Variants in JPH2 observed in about 807,000 individuals in gnomAD.
JPH2 encodes the protein junctophilin-2.
JPH2 carries 38 observed loss-of-function variants against 55.9 expected under a neutral mutation model. The ratio of observed to expected loss-of-function variants is 0.68; its 90% CI spans 0.52 to 0.89. JPH2 has a LOEUF of 0.89. JPH2 is among the 40% of genes least tolerant of loss of function. JPH2 has a pLI of 0.00. For synonymous variants in JPH2, 480 were observed against 472.4 expected, an observed-to-expected ratio of 1.02 and a Z score of -0.21; for missense variants, 964 against 1,037.6, an observed-to-expected ratio of 0.93 and a Z score of 0.97.
chr20:44,115,996 A>G lies in JPH2; in HGVS notation c.1679T>C (p.Val560Ala). 1.3e-6 allele frequency: 2 copies of G among 1,578,354 alleles called. No homozygotes were observed. The highest frequency in any genetic ancestry group is 1.7e-6 in the Non-Finnish European group (2 of 1,170,496). Residue 560 changes from valine (V) to alanine (A), a missense_variant, in exon 4 of 6, where the codon GTG (valine) becomes GCG (alanine). Physicochemically the swap from Val to Ala is moderately conservative, Grantham distance 64 (BLOSUM62 0). Transcript: ENST00000372980. ...GCTGTGGTAGCCCTGGTAAAGCGCC[A>G]CCTCCGGCTCCCGCGACGGCGCAGG... ...APPAPSREPE[V>A]ALYQGYHSYA...
In JPH2 at chr20:44,154,308, T is replaced by TA. The variant is rs2072550706; in HGVS notation, c.1169+5309dup. ...TGTATTTTGTCAAAGCTGATGTATC[T>TA]AAAATGTAACCATTTCAATATGTAA... On this transcript the variant is annotated intron_variant, in intron 2 of 5. Coordinates refer to ENST00000372980, the MANE Select transcript of JPH2 (RefSeq NM_020433.5). Among the ~76,000 whole-genome samples, 10 of 152,398 alleles carry TA rather than the reference T, an allele frequency of 6.6e-5. No individual in the cohort carries two copies. In the South Asian group the frequency reaches 2.1e-3, roughly 32 times the overall value.
Position 44,144,030 on chromosome 20 carries a change from G to A in JPH2, c.1169+15588C>T, listed in dbSNP as rs147123068. Among the ~76,000 whole-genome samples, 241 of 152,308 alleles carry A rather than the reference G, an allele frequency of 1.6e-3. 1 individual carries two copies. Among genetic ancestry groups the A allele is most frequent in the African/African-American group, 5.2e-3 (218 of 41,572 alleles). ...CAAGGCTTGGGTCACGCCTGGCTTC[G>A]GGAACCAGCCTCGCCAAGTTCCATC... On this transcript the variant is annotated intron_variant, in intron 2 of 5. Coordinates refer to ENST00000372980, the MANE Select transcript of JPH2 (RefSeq NM_020433.5).
rs1439783795 is a variant in JPH2, at chr20:44,159,805, A to G, written c.982T>C (p.Cys328Arg). The G allele has an allele frequency of 6.2e-7, 1 of 1,613,126 alleles. No individual in the cohort carries two copies. Among genetic ancestry groups the G allele is most frequent in the East Asian group, 2.2e-5 (1 of 44,832 alleles). ...WLDNLRHGYG[C>R]TTLPDGHREE... The stretch of plus-strand genomic sequence containing the variant: ...CGGTGGCCGTCGGGCAGCGTGGTGC[A>G]GCCATAGCCGTGGCGCAGGTTGTCC... Residue 328 changes from cysteine to arginine, a missense_variant, in exon 2 of 6, where the codon TGC becomes CGC. By Grantham distance (180) the Cys-to-Arg change is radical. Transcript: ENST00000372980. The surrounding 1 kb of genome is among the most constrained non-coding windows in gnomAD (Gnocchi z 5.7).
At chr20:44,182,830 C>T (rs1449815973) in intron 1 of JPH2, among the ~76,000 whole-genome samples, 1 of 152,228 alleles carries the variant, frequency 6.6e-6, no homozygotes, top group African/African-American at 2.4e-5. Flanking sequence ...TCGCTGCCCC[C>T]ACCCTAAAAC....
intron 1 of JPH2, chr20:44,176,768 TG>T: frequency 1.4e-6 from 1 of 709,244 alleles, no homozygotes; most frequent in Non-Finnish European, 1.7e-6. Flanking sequence ...CACTCCAGCC[TG>T]GGTGACAGAG....
intron 2 of JPH2, among the ~76,000 whole-genome samples, chr20:44,154,585 G>A (rs536810194): frequency 2.6e-5 from 4 of 152,254 alleles, no homozygotes; most frequent in South Asian, 2.1e-4. Context: ...TGTCCTGATC[G>A]TAGCCTCCGG....
At position 44,112,380 on chromosome 20, in the gene JPH2, C is replaced by T. The variant is rs1204354022; in HGVS notation, c.*1138G>A. ...CCCAGAGACCTAGTGTGGTACAAAA[C>T]ATCTTTAAGTGAGGTACATCCAAGT... On this transcript the variant is annotated 3_prime_UTR_variant, in exon 6 of 6. Coordinates refer to ENST00000372980, the MANE Select transcript of JPH2 (RefSeq NM_020433.5). 1 of 152,288 alleles carries T rather than the reference C, an allele frequency of 6.6e-6. No individual in the cohort carries two copies. Among genetic ancestry groups the T allele is most frequent in the East Asian group, 1.9e-4 (1 of 5,198 alleles). The allele number at this position is 152,288 out of a possible 1,614,324, so 9.4% of individuals were successfully genotyped here. A position where few individuals can be genotyped will look rare whatever the true frequency, so the allele number is the denominator to read the frequency against.
At chr20:44,123,322 G>A (rs1484807629) in intron 2 of JPH2, among the ~76,000 whole-genome samples, 3 of 151,980 alleles carry the variant, frequency 2.0e-5, no homozygotes, top group Admixed American at 6.6e-5. Flanking sequence ...TGGTCTCTCC[G>A]GCTCCCTTTA....
At chr20:44,145,646 G>A (rs981022573) in intron 2 of JPH2, among the ~76,000 whole-genome samples, 1 of 151,614 alleles carries the variant, frequency 6.6e-6, no homozygotes, top group Non-Finnish European at 1.5e-5. Context: ...TCTGGAGCTA[G>A]GCCCTAAGCA....
At chr20:44,185,149 A>G (rs770691715) in intron 1 of JPH2, among the ~76,000 whole-genome samples, 1 of 152,040 alleles carries the variant, frequency 6.6e-6, no homozygotes, top group Non-Finnish European at 1.5e-5. Context: ...AAAAGAAAAA[A>G]CAATTAATTA....
At chr20:44,127,087 T>C (rs886144696) in intron 2 of JPH2, among the ~76,000 whole-genome samples, 2 of 152,254 alleles carry the variant, frequency 1.3e-5, no homozygotes, top group African/African-American at 2.4e-5. Flanking sequence ...TATGGATGTG[T>C]CATCTAAACA....
chr20:44,131,145 T>C (rs914336302), intron 2 of JPH2, among the ~76,000 whole-genome samples: 1 of 152,186 alleles, frequency 6.6e-6, no homozygotes, highest in African/African-American at 2.4e-5. Flanking sequence ...GAACAGAATA[T>C]GCAAAAGTCA....
At position 44,112,461 on chromosome 20, in the gene JPH2, C is replaced by T. The variant is rs149482563; in HGVS notation, c.*1057G>A. 6.6e-6 allele frequency: 1 copy of T among 152,476 alleles called. No individual in the cohort carries two copies. Among genetic ancestry groups the T allele is most frequent in the East Asian group, 1.9e-4 (1 of 5,188 alleles). The allele number at this position is 152,476 out of a possible 1,614,324, so 9.4% of individuals were successfully genotyped here. On this transcript the variant is annotated 3_prime_UTR_variant, in exon 6 of 6. Coordinates refer to ENST00000372980, the MANE Select transcript of JPH2 (RefSeq NM_020433.5). ...CTTATAACTGCACCCAGGCTGTACC[C>T]AGTTGGAGCCCCAGACTTGCCCCTC...
Position 44,134,186 on chromosome 20 carries a change from ATATT to A in JPH2, c.1170-15567_1170-15564del, listed in dbSNP as rs1372371298. Among the ~76,000 whole-genome samples the A allele has an allele frequency of 5.0e-3, 56 of 11,166 alleles. 4 individuals carry two copies. The highest frequency in any genetic ancestry group is 7.8e-3 in the African/African-American group (25 of 3,188). 7.3% of individuals were successfully genotyped at this position (11,166 alleles called of 152,430 possible). A position where few individuals can be genotyped will look rare whatever the true frequency, so the allele number is the denominator to read the frequency against. ...ATAAATATTTATTATAAATATATAAATATTTATTATAAATATATAAATATATATT... is the reference window on the plus strand; with the variant it reads ...ATAAATATTTATTATAAATATATAAATATTATAAATATATAAATATATATT... On this transcript the variant is annotated intron_variant, in intron 2 of 5. Coordinates refer to ENST00000372980, the MANE Select transcript of JPH2 (RefSeq NM_020433.5).
intron 2 of JPH2, among the ~76,000 whole-genome samples, chr20:44,145,131 T>C (rs2072484448): frequency 6.6e-6 from 1 of 152,096 alleles, no homozygotes; most frequent in African/African-American, 2.4e-5. Flanking sequence ...ATATCAACAC[T>C]CTTGGTCTGG....
At chr20:44,177,114 G>T in intron 1 of JPH2, 6 of 985,550 alleles carry the variant, frequency 6.1e-6, no homozygotes, top group Non-Finnish European at 6.0e-6. Context: ...CTTTAAGCAG[G>T]GAGTGAAAGT....
chr20:44,156,812 G>A (rs921970776), intron 2 of JPH2, among the ~76,000 whole-genome samples: 2 of 152,176 alleles, frequency 1.3e-5, no homozygotes, highest in Non-Finnish European at 2.9e-5. Flanking sequence ...GAGTTTTGGA[G>A]GGGATAAACA....
Position 44,118,583 on chromosome 20 carries a change from C to A in JPH2, c.1210G>T (p.Ala404Ser). Residue 404 changes from alanine to serine, a missense_variant, in exon 3 of 6, where the codon GCC (alanine) becomes TCC (serine). Ala to Ser is a moderately conservative substitution (Grantham distance 99). Transcript: ENST00000372980. ...AKAKAEAAEQAALAANQESNI... is the reference protein window; with the variant it reads ...AKAKAEAAEQSALAANQESNI... The stretch of plus-strand genomic sequence containing the variant: ...GACTCCTGGTTGGCAGCCAGGGCGG[C>A]CTGTTCCGCTGCCTCAGCTTTGGCC... The A allele has an allele frequency of 6.2e-7, 1 of 1,612,464 alleles. No homozygotes were observed. The highest frequency in any genetic ancestry group is 8.5e-7 in the Non-Finnish European group (1 of 1,180,008).
chr20:44,128,847 C>T (rs970445122), intron 2 of JPH2, among the ~76,000 whole-genome samples: 2 of 152,044 alleles, frequency 1.3e-5, no homozygotes, highest in African/African-American at 2.4e-5. Context: ...TCACAGTACC[C>T]GGTTAACATG....
Sources: gnomAD v4.1 joint callset for allele counts (sites outside exome capture counted in the v4.1 genomes callset) on GRCh38, gnomAD v4.1.1 for gene constraint, Gnocchi (gnomAD v3.1) non-coding constraint, MANE v1.5 for transcripts, NCBI Gene and HGNC (gene_info 2026-07-23, HGNC 2026-07-21) for gene names.